HK1: variants seen among roughly 807,000 people sequenced by gnomAD.
HK1 encodes hexokinase-1.
In HK1, 28 loss-of-function variants were observed where a neutral mutation model predicts 91.6. The observed-to-expected ratio is 0.31, with a 90% confidence interval of 0.23 to 0.42. The LOEUF is 0.42. Among genes scored for constraint, HK1 ranks in the 10% least tolerant of loss-of-function variants. The pLI, the probability that HK1 is intolerant of heterozygous loss-of-function variation, is 1.00. For synonymous variants in HK1, 430 were observed against 468.1 expected, an observed-to-expected ratio of 0.92 and a Z score of 1.05; for missense variants, 770 against 1,219.8, an observed-to-expected ratio of 0.63 and a Z score of 5.49.
At chr10:69,347,208 G>A (rs113041162) in intron 2 of HK1, among the ~76,000 whole-genome samples, 21,612 of 151,772 alleles carry the variant, frequency 0.14, 1,744 homozygotes, top group African/African-American at 0.19. Flanking sequence ...ACGGGGTTTT[G>A]CCATGTTGGC....
At chr10:69,321,210 G>T (rs1847003097) in intron 1 of HK1, among the ~76,000 whole-genome samples, 1 of 152,224 alleles carries the variant, frequency 6.6e-6, no homozygotes, top group South Asian at 2.1e-4. Flanking sequence ...ACAGCCATCT[G>T]TGGGTGTGGT....
At chr10:69,347,457 A>T (rs924212477) in intron 2 of HK1, among the ~76,000 whole-genome samples, 3 of 144,168 alleles carry the variant, frequency 2.1e-5, no homozygotes, top group Non-Finnish European at 3.0e-5. Flanking sequence ...TTTTTTTTTA[A>T]GACAGTCTCG....
chr10:69,396,500 T>G (rs1589591906), intron 16 of HK1, among the ~76,000 whole-genome samples: 2 of 146,178 alleles, frequency 1.4e-5, no homozygotes, highest in African/African-American at 2.5e-5. Context: ...TAACTCCACA[T>G]TCCTCCCTCC....
chr10:69,381,545 C>T (rs7476298), intron 9 of HK1, among the ~76,000 whole-genome samples: 10,300 of 142,556 alleles, frequency 0.072, 490 homozygotes, highest in South Asian at 0.18. Context: ...ATCATCTTAA[C>T]CTTTTTTTTT....
chr10:69,316,005 G>A (rs1336785703), upstream of HK1: 2 of 1,613,958 alleles, frequency 1.2e-6, no homozygotes, highest in Non-Finnish European at 1.7e-6. Flanking sequence ...CTGAGGCCTG[G>A]GAGATTGGGG....
At chr10:69,362,496 T>A (rs903286582) in intron 3 of HK1, among the ~76,000 whole-genome samples, 1 of 152,090 alleles carries the variant, frequency 6.6e-6, no homozygotes, top group African/African-American at 2.4e-5. Flanking sequence ...TGACTTTTTT[T>A]CCTGGTTGAT....
chr10:69,369,351 T>G lies in HK1; in HGVS notation c.691+15T>G. 6.2e-7 allele frequency: 1 copy of G among 1,613,478 alleles called. No homozygotes were observed. Among genetic ancestry groups the G allele is most frequent in the South Asian group, 1.1e-5 (1 of 91,072 alleles). The stretch of plus-strand genomic sequence containing the variant: ...CCTGATCATCGGTAATGCATTCCCC[T>G]TTGCCCATCCATTTGTTCGGCCCAT... On this transcript the variant is annotated intron_variant, in intron 6 of 17. Transcript: ENST00000359426. This position sits in a 1 kb window ranked among gnomAD's most constrained non-coding sequence, Gnocchi z 4.4.
chr10:69,384,766 G>C (rs1360976453), intron 11 of HK1, 30 bp from the exon 12 acceptor site: 1 of 1,614,078 alleles, frequency 6.2e-7, no homozygotes, highest in Non-Finnish European at 8.5e-7. Flanking sequence ...ACCACAGAGA[G>C]CACGGGCGAT....
At position 69,369,165 on chromosome 10, in the gene HK1, A is replaced by C; in HGVS notation, c.592-72A>C. On this transcript the variant is annotated intron_variant, in intron 5 of 17. Transcript: ENST00000359426. The surrounding 1 kb of genome is among the most constrained non-coding windows in gnomAD (Gnocchi z 4.4). Reference sequence around the variant, plus strand: ...TTCTGAAAACGGGAGCACTTCTGCCAAGCGCTGTTAAGGTGTGTGATCTCT... The same window carrying C: ...TTCTGAAAACGGGAGCACTTCTGCCCAGCGCTGTTAAGGTGTGTGATCTCT... The C allele has an allele frequency of 5.4e-6, 6 of 1,114,424 alleles. No homozygotes were observed. Among genetic ancestry groups the C allele is most frequent in the South Asian group, 1.3e-5 (1 of 79,706 alleles). The allele number at this position is 1,114,424 out of a possible 1,614,324, so 69.0% of individuals were successfully genotyped here. A position where few individuals can be genotyped will look rare whatever the true frequency, so the allele number is the denominator to read the frequency against.
chr10:69,400,892 C>G, intron 17 of HK1, 99 bp from the exon 18 acceptor site: 4 of 1,272,320 alleles, frequency 3.1e-6, no homozygotes, highest in Non-Finnish European at 4.6e-6. Context: ...TAAGTCGAAT[C>G]ATCACCAGTC....
At chr10:69,377,994 C>T (rs1839201292) in intron 8 of HK1, among the ~76,000 whole-genome samples, 1 of 152,222 alleles carries the variant, frequency 6.6e-6, no homozygotes, top group African/African-American at 2.4e-5. Flanking sequence ...CATCAGCTCT[C>T]TTTGAGGTTA....
At chr10:69,362,433 T>A (rs930595733) in intron 3 of HK1, among the ~76,000 whole-genome samples, 4 of 142,930 alleles carry the variant, frequency 2.8e-5, no homozygotes, top group Non-Finnish European at 4.5e-5. Flanking sequence ...GAGAAAATAA[T>A]GTTTTTTTTT....
chr10:69,312,129 A>C (rs1029243593), upstream of HK1, among the ~76,000 whole-genome samples: 4 of 152,246 alleles, frequency 2.6e-5, no homozygotes, highest in African/African-American at 7.2e-5. Context: ...AATTTGCTGA[A>C]AAGTCAACAG....
At chr10:69,292,359 C>A in intron 3 of HK1, 1 of 445,020 alleles carries the variant, frequency 2.2e-6, no homozygotes, top group Admixed American at 2.5e-5. Context: ...AGGTATGAGC[C>A]ACTGCACCCA....
In HK1 at chr10:69,384,902, C is replaced by A. The variant is rs769433330; in HGVS notation, c.1826C>A (p.Thr609Lys). 6.2e-7 allele frequency: 1 copy of A among 1,614,198 alleles called. No homozygotes were observed. The highest frequency in any genetic ancestry group is 8.5e-7 in the Non-Finnish European group (1 of 1,180,028). The change falls in exon 12 of 18, where the codon ACG becomes AAG. Residue 609 changes from threonine (T) to lysine (K), a missense_variant. Around this residue, in one of 7 missense-constraint regions of HK1, gnomAD observed 152 missense variants for 211.1 expected, o/e 0.72. Transcript: ENST00000359426. ...GFTFSFPCQQ[T>K]SLDAGILITW... ...ACGTTCTCATTTCCCTGCCAGCAGACGAGTCTGGACGCGGTGAGTCTCTGT... is the reference window on the plus strand; with the variant it reads ...ACGTTCTCATTTCCCTGCCAGCAGAAGAGTCTGGACGCGGTGAGTCTCTGT...
In HK1 at chr10:69,369,678, T is replaced by C; in HGVS notation, c.875+54T>C. On this transcript the variant is annotated intron_variant, in intron 7 of 17. Transcript: ENST00000359426. The surrounding 1 kb of genome is among the most constrained non-coding windows in gnomAD (Gnocchi z 4.4). ...CATATGTGAGTTAGGGGACATTTGA[T>C]GAAAGATTTGGGATGGGAGATGAAA... 6.6e-7 allele frequency: 1 copy of C among 1,509,010 alleles called. No homozygotes were observed. The highest frequency in any genetic ancestry group is 9.1e-7 in the Non-Finnish European group (1 of 1,095,808). 93.5% of individuals were successfully genotyped at this position (1,509,010 alleles called of 1,614,324 possible). A position where few individuals can be genotyped will look rare whatever the true frequency, so the allele number is the denominator to read the frequency against.
At chr10:69,379,726 G>A (rs1839289848) in intron 8 of HK1, 136 bp from the exon 9 acceptor site, 4 of 759,764 alleles carry the variant, frequency 5.3e-6, no homozygotes. Context: ...GCATTTGACA[G>A]TCTTCATCCC....
At chr10:69,304,554 C>T (rs1239672022) in intron 5 of HK1, among the ~76,000 whole-genome samples, 1 of 152,154 alleles carries the variant, frequency 6.6e-6, no homozygotes. Flanking sequence ...GTGATCCGCT[C>T]GCCTTGGCCT....
At chr10:69,389,060 T>A in intron 13 of HK1, 137 bp from the exon 14 acceptor site, 2 of 716,590 alleles carry the variant, frequency 2.8e-6, no homozygotes, top group South Asian at 3.0e-5. Flanking sequence ...ATTCATTACC[T>A]TTTTGTAGGC....
Sources: allele counts gnomAD v4.1 joint callset (sites outside exome capture counted in the v4.1 genomes callset), GRCh38; gene constraint gnomAD v4.1.1; regional missense constraint gnomAD v4.1.1; non-coding constraint Gnocchi (gnomAD v3.1); transcripts MANE v1.5; gene names NCBI Gene and HGNC (gene_info 2026-07-23, HGNC 2026-07-21).